GRIK2: variants seen among roughly 807,000 people sequenced by gnomAD.
GRIK2 encodes glutamate ionotropic receptor kainate type subunit 2.
GRIK2 carries 32 observed loss-of-function variants against 100.3 expected under a neutral mutation model. The observed-to-expected ratio is 0.32, with a 90% confidence interval of 0.24 to 0.43. The LOEUF is 0.43. Ranked by LOEUF, GRIK2 falls within the 20% of genes least tolerant of loss-of-function variation. GRIK2 has a pLI of 1.00. For missense variants in GRIK2, 843 were observed against 1,114.9 expected (o/e 0.76, Z 3.47); for synonymous variants, 417 against 389.4 (o/e 1.07, Z -0.83).
In GRIK2 at chr6:101,996,882, G is replaced by A. The variant is rs78112655; in HGVS notation, c.2086-38459G>A. ...AATGTTGTCAATGATAGAATTTCTCGATTTTTCAGATATCTCAAATGGCTT... is the reference window on the plus strand; with the variant it reads ...AATGTTGTCAATGATAGAATTTCTCAATTTTTCAGATATCTCAAATGGCTT... On this transcript the variant is annotated intron_variant, in intron 14 of 16. Coordinates refer to ENST00000369134, the MANE Select transcript of GRIK2 (RefSeq NM_021956.5). Among the ~76,000 whole-genome samples, 486 of 152,130 alleles carry A rather than the reference G, an allele frequency of 3.2e-3. 1 individual carries two copies. Among genetic ancestry groups the A allele is most frequent in the African/African-American group, 0.011 (469 of 41,524 alleles).
intron 14 of GRIK2, among the ~76,000 whole-genome samples, chr6:101,995,225 G>A (rs1385817013): frequency 1.3e-5 from 2 of 151,996 alleles, no homozygotes; most frequent in South Asian, 2.1e-4. Flanking sequence ...CAGATTGGGT[G>A]CTTAATCAGC....
chr6:101,730,358 G>C (rs1775175600), intron 7 of GRIK2, among the ~76,000 whole-genome samples: 1 of 151,922 alleles, frequency 6.6e-6, no homozygotes, highest in African/African-American at 2.4e-5. Flanking sequence ...ACCTGCTCCA[G>C]TCCTGTCCTG....
intron 12 of GRIK2, among the ~76,000 whole-genome samples, chr6:101,906,386 T>TGTGTG (rs1377806600): frequency 8.4e-4 from 19 of 22,656 alleles, no homozygotes; most frequent in African/African-American, 2.2e-3. Context: ...GTGTGTGTGT[T>TGTGTG]TGTGTGTGTT....
At chr6:101,756,329 C>T (rs1317863580) in intron 7 of GRIK2, among the ~76,000 whole-genome samples, 1 of 105,528 alleles carries the variant, frequency 9.5e-6, no homozygotes, top group Non-Finnish European at 1.8e-5. Context: ...CTCCACTGTC[C>T]TAAACAGAAT....
intron 6 of GRIK2, 60 bp from the exon 7 acceptor site, chr6:101,686,120 A>G (rs1291116127): frequency 1.4e-6 from 2 of 1,385,186 alleles, no homozygotes; most frequent in East Asian, 4.6e-5. Flanking sequence ...CTATTTCAGT[A>G]ATACATGCCT....
At chr6:101,643,606 G>A (rs769585500) in intron 4 of GRIK2, among the ~76,000 whole-genome samples, 2 of 151,628 alleles carry the variant, frequency 1.3e-5, no homozygotes, top group Non-Finnish European at 3.0e-5. Flanking sequence ...CTGCCTTTGT[G>A]CCAGTATCAT....
At chr6:101,883,295 TA>T (rs1786389029) in intron 11 of GRIK2, among the ~76,000 whole-genome samples, 1 of 144,416 alleles carries the variant, frequency 6.9e-6, no homozygotes, top group African/African-American at 2.6e-5. Context: ...TGGCAAATAA[TA>T]ATAATAATAA....
chr6:101,942,540 C>T (rs904573549), intron 14 of GRIK2, among the ~76,000 whole-genome samples: 4 of 152,078 alleles, frequency 2.6e-5, no homozygotes, highest in South Asian at 2.1e-4. Flanking sequence ...AGGCTGAGGT[C>T]GTCTGAGACG....
At chr6:101,949,220 C>T (rs547306427) in intron 14 of GRIK2, among the ~76,000 whole-genome samples, 3 of 150,996 alleles carry the variant, frequency 2.0e-5, no homozygotes, top group Admixed American at 2.0e-4. Flanking sequence ...TTGTGGGTAC[C>T]AACACTTTTC....
chr6:101,421,244 G>A (rs1953747), intron 2 of GRIK2, among the ~76,000 whole-genome samples: 105,116 of 152,158 alleles, frequency 0.69, 36,576 homozygotes, highest in East Asian at 0.92. Flanking sequence ...TTGTGGGCAG[G>A]TGGCAAGGTC....
At chr6:102,007,505 C>CTTCTT (rs1010312364) in intron 14 of GRIK2, among the ~76,000 whole-genome samples, 3 of 152,070 alleles carry the variant, frequency 2.0e-5, no homozygotes, top group Non-Finnish European at 4.4e-5. Flanking sequence ...TAGTTGTATT[C>CTTCTT]TTCTTTTGAT....
chr6:101,810,006 A>T (rs1343728243), intron 9 of GRIK2, among the ~76,000 whole-genome samples: 1 of 151,944 alleles, frequency 6.6e-6, no homozygotes, highest in Non-Finnish European at 1.5e-5. Context: ...GTTCCCAAAA[A>T]GTCTTATTTT....
intron 2 of GRIK2, among the ~76,000 whole-genome samples, chr6:101,508,711 C>A (rs1015015948): frequency 6.6e-6 from 1 of 152,080 alleles, no homozygotes; most frequent in Non-Finnish European, 1.5e-5. Context: ...TTTATTTAAT[C>A]CTTCTCCTTC....
At chr6:101,721,379 ACT>A (rs1774472644) in intron 7 of GRIK2, among the ~76,000 whole-genome samples, 2 of 151,908 alleles carry the variant, frequency 1.3e-5, no homozygotes, top group Admixed American at 6.6e-5. Flanking sequence ...ACATAGAGAG[ACT>A]CTGTTCTCTA....
chr6:101,993,567 A>G (rs188328026), intron 14 of GRIK2: 19 of 151,150 alleles, frequency 1.3e-4, no homozygotes, highest in Admixed American at 2.7e-4. Flanking sequence ...CATAAATTTG[A>G]ACATTTTTGA....
At chr6:101,457,124 C>A (rs894236885) in intron 2 of GRIK2, among the ~76,000 whole-genome samples, 7 of 152,112 alleles carry the variant, frequency 4.6e-5, no homozygotes, top group Non-Finnish European at 8.8e-5. Context: ...AAATGACATG[C>A]TTGTTAAGCT....
intron 7 of GRIK2, among the ~76,000 whole-genome samples, chr6:101,722,367 A>G (rs1318096979): frequency 1.3e-5 from 2 of 152,052 alleles, no homozygotes; most frequent in African/African-American, 4.8e-5. Flanking sequence ...AATTGTACTA[A>G]TTATGATGGC....
rs1425379766 is a variant in GRIK2 at position 101,424,147 on chromosome 6, A to AC, written c.115+24755_115+24756insC. On this transcript the variant is annotated intron_variant, in intron 2 of 16. Coordinates refer to ENST00000369134, the MANE Select transcript of GRIK2 (RefSeq NM_021956.5). The stretch of plus-strand genomic sequence containing the variant: ...GTGCTATGAATCTTGCTCTATCCAA[A>AC]TTTTTTTTCTTCAGAATTTTTTTTA... 2.6e-5 allele frequency among the ~76,000 whole-genome samples: 4 copies of AC among 151,502 alleles called. No individual in the cohort carries two copies. The East Asian group carries it at 7.7e-4, about 29-fold the overall frequency.
chr6:101,700,192 T>C (rs1179501375), intron 7 of GRIK2, among the ~76,000 whole-genome samples: 1 of 151,786 alleles, frequency 6.6e-6, no homozygotes, highest in Non-Finnish European at 1.5e-5. Flanking sequence ...CAAAGAGAAT[T>C]TGATATTTCT....
Sources: gnomAD v4.1 joint callset for allele counts (sites outside exome capture counted in the v4.1 genomes callset) on GRCh38, gnomAD v4.1.1 for gene constraint, MANE v1.5 for transcripts, NCBI Gene and HGNC (gene_info 2026-07-23, HGNC 2026-07-21) for gene names.